MIR2052HG: variants seen among roughly 807,000 people sequenced by gnomAD.
The protein encoded by MIR2052HG is MIR2052 host gene.
chr8:74,624,895 T>G (rs1808413816), intron 2 of MIR2052HG, among the ~76,000 whole-genome samples: 1 of 152,166 alleles, frequency 6.6e-6, no homozygotes, highest in African/African-American at 2.4e-5. Flanking sequence ...TTTTTTGAGA[T>G]TTAGCTGCGA....
Position 74,621,272 on chromosome 8 carries a change from TC to T in MIR2052HG, n.216+8334del, listed in dbSNP as rs146161617. Among the ~76,000 whole-genome samples the T allele has an allele frequency of 7.5e-3, 1,147 of 152,304 alleles. 10 individuals carry two copies. Among genetic ancestry groups the T allele is most frequent in the African/African-American group, 0.026 (1,093 of 41,570 alleles). ...CCACATTTTCCTGTCTTCTTCTGAG[TC>T]CTCCAAACTGTTCCAATCTGTGCTT... On this transcript the variant is annotated intron_variant and non_coding_transcript_variant, in intron 2 of 6. Transcript: ENST00000523442.
At chr8:74,680,024 G>T (rs1302571907) in intron 2 of MIR2052HG, among the ~76,000 whole-genome samples, 1 of 152,132 alleles carries the variant, frequency 6.6e-6, no homozygotes, top group African/African-American at 2.4e-5. Context: ...ATTATTCACG[G>T]ATCATATTAT....
At chr8:74,684,986 T>A (rs1017611589) in intron 2 of MIR2052HG, among the ~76,000 whole-genome samples, 2 of 152,094 alleles carry the variant, frequency 1.3e-5, no homozygotes, top group East Asian at 3.9e-4. Context: ...CTAGCCCCAA[T>A]GATTGTCAGC....
intron 1 of MIR2052HG, among the ~76,000 whole-genome samples, chr8:74,602,994 C>A (rs1283453402): frequency 2.3e-5 from 3 of 132,014 alleles, no homozygotes; most frequent in Admixed American, 1.6e-4. Flanking sequence ...CCATGACAGA[C>A]AGAAAAATTC....
At chr8:74,650,240 A>G (rs1024566760) in intron 2 of MIR2052HG, among the ~76,000 whole-genome samples, 4 of 152,066 alleles carry the variant, frequency 2.6e-5, no homozygotes, top group African/African-American at 7.2e-5. Context: ...CTCCTCCTCA[A>G]TGTTGTTTGC....
At chr8:74,709,700 C>T (rs1467210045) in intron 4 of MIR2052HG, among the ~76,000 whole-genome samples, 2 of 152,076 alleles carry the variant, frequency 1.3e-5, no homozygotes, top group Non-Finnish European at 2.9e-5. Context: ...GTGTGTGTCA[C>T]ACATTACTTA....
intron 2 of MIR2052HG, among the ~76,000 whole-genome samples, chr8:74,641,336 G>A (rs1167001165): frequency 6.6e-6 from 1 of 152,072 alleles, no homozygotes; most frequent in Non-Finnish European, 1.5e-5. Flanking sequence ...TAATTATCTG[G>A]TGAATCCAAG....
chr8:74,683,228 G>A (rs767684036), intron 2 of MIR2052HG, among the ~76,000 whole-genome samples: 2 of 152,030 alleles, frequency 1.3e-5, no homozygotes, highest in Non-Finnish European at 2.9e-5. Context: ...AAATAAAACT[G>A]AAAAATTGTA....
intron 2 of MIR2052HG, among the ~76,000 whole-genome samples, chr8:74,655,423 C>G (rs1808795175): frequency 6.6e-6 from 1 of 152,144 alleles, no homozygotes; most frequent in Non-Finnish European, 1.5e-5. Context: ...CCCAGGGTCC[C>G]CATGCTGTGT....
intron 4 of MIR2052HG, among the ~76,000 whole-genome samples, chr8:74,739,797 C>CA (rs574041640): frequency 6.6e-6 from 1 of 151,652 alleles, no homozygotes; most frequent in Non-Finnish European, 1.5e-5. Context: ...TTTAAAAATC[C>CA]AAAAAAACTC....
chr8:74,611,806 T>C (rs1445314053), intron 1 of MIR2052HG, among the ~76,000 whole-genome samples: 1 of 152,144 alleles, frequency 6.6e-6, no homozygotes, highest in Non-Finnish European at 1.5e-5. Context: ...ACACCACCTA[T>C]CATGATTGAT....
At chr8:74,693,728 G>A (rs182797960) in intron 2 of MIR2052HG, among the ~76,000 whole-genome samples, 27 of 152,100 alleles carry the variant, frequency 1.8e-4, no homozygotes, top group African/African-American at 5.5e-4. Flanking sequence ...ATGACACAGC[G>A]AGGGTGTCAT....
intron 4 of MIR2052HG, among the ~76,000 whole-genome samples, chr8:74,743,979 T>C (rs1444815339): frequency 6.6e-6 from 1 of 152,184 alleles, no homozygotes. Flanking sequence ...CTGAAAACTA[T>C]TATAAGATAA....
chr8:74,655,961 T>C (rs1447350659), intron 2 of MIR2052HG, among the ~76,000 whole-genome samples: 3 of 152,178 alleles, frequency 2.0e-5, no homozygotes, highest in East Asian at 1.9e-4. Flanking sequence ...TGCATCAGCA[T>C]GACCTGGATG....
At chr8:74,662,872 G>A (rs1808880628) in intron 2 of MIR2052HG, among the ~76,000 whole-genome samples, 1 of 150,908 alleles carries the variant, frequency 6.6e-6, no homozygotes, top group Non-Finnish European at 1.5e-5. Flanking sequence ...GTGTGTGTGT[G>A]TGTGTGTGTG....
chr8:74,753,274 G>A (rs1306983417), intron 5 of MIR2052HG, among the ~76,000 whole-genome samples: 1 of 151,120 alleles, frequency 6.6e-6, no homozygotes, highest in East Asian at 2.0e-4. Context: ...GTGTAGATGT[G>A]GGCTGCCACA....
chr8:74,634,050 A>G (rs1054722362), intron 2 of MIR2052HG, among the ~76,000 whole-genome samples: 2 of 152,200 alleles, frequency 1.3e-5, no homozygotes, highest in African/African-American at 4.8e-5. Context: ...GGAGGAGGAC[A>G]TTAAGTTATT....
chr8:74,622,926 GATAA>G (rs1417392533), intron 2 of MIR2052HG, among the ~76,000 whole-genome samples: 6 of 152,112 alleles, frequency 3.9e-5, no homozygotes, highest in African/African-American at 1.4e-4. Context: ...GGCACAGAAA[GATAA>G]ATACCACATG....
chr8:74,653,687 A>G (rs1252373314), intron 2 of MIR2052HG, among the ~76,000 whole-genome samples: 2 of 152,226 alleles, frequency 1.3e-5, no homozygotes, highest in Non-Finnish European at 2.9e-5. Flanking sequence ...TACATGAAAT[A>G]CATATGAAAT....
Sources: allele counts gnomAD v4.1 joint callset (sites outside exome capture counted in the v4.1 genomes callset), GRCh38; gene constraint gnomAD v4.1.1; transcripts MANE v1.5; gene names NCBI Gene and HGNC (gene_info 2026-07-23, HGNC 2026-07-21).